Variants in PVT1 observed in about 807,000 individuals in gnomAD.
PVT1 encodes Pvt1 oncogene, also known as CXCR4/PVT1 fusion.
At chr8:127,805,449 A>G (rs1006725218) in intron 2 of PVT1, among the ~76,000 whole-genome samples, 3 of 152,020 alleles carry the variant, frequency 2.0e-5, no homozygotes, top group Non-Finnish European at 2.9e-5. Context: ...ATTGTGGTTC[A>G]TGAGATTTGC....
intron 3 of PVT1, among the ~76,000 whole-genome samples, chr8:127,917,331 C>T (rs1034294138): frequency 6.6e-6 from 1 of 152,132 alleles, no homozygotes; most frequent in African/African-American, 2.4e-5. Flanking sequence ...CATGAGGAGG[C>T]GATAGATACT....
intron 2 of PVT1, among the ~76,000 whole-genome samples, chr8:127,885,942 G>A (rs1395749777): frequency 6.6e-6 from 1 of 151,924 alleles, no homozygotes; most frequent in Non-Finnish European, 1.5e-5. Flanking sequence ...ATTTAAATGG[G>A]ACAAGAAGGC....
rs11361006 is a variant in PVT1, at chr8:127,861,560, GTT to G, written n.373-29019_373-29018del. Among the ~76,000 whole-genome samples the G allele has an allele frequency of 8.8e-4, 132 of 149,270 alleles. No individual in the cohort carries two copies. The East Asian group carries it at 9.4e-3, about 11-fold the overall frequency. On this transcript the variant is annotated intron_variant and non_coding_transcript_variant, in intron 2 of 10. Coordinates refer to ENST00000651587, the Ensembl canonical transcript of PVT1. ...TTTCAGATGGTTTTGTTTTTGACAT[GTT>G]TTTTTTTTTAACTTATATTATGACC... is the stretch of plus-strand genomic sequence containing the variant.
At chr8:128,018,946 G>A (rs1056604174) in intron 4 of PVT1, among the ~76,000 whole-genome samples, 3 of 152,238 alleles carry the variant, frequency 2.0e-5, no homozygotes, top group Non-Finnish European at 4.4e-5. Flanking sequence ...CGCGAGGTTT[G>A]TGGCTCAGTC....
chr8:127,871,151 C>T (rs1815347275), intron 2 of PVT1, among the ~76,000 whole-genome samples: 2 of 152,206 alleles, frequency 1.3e-5, no homozygotes, highest in African/African-American at 4.8e-5. Flanking sequence ...ACACGCAATG[C>T]AGAGGAATGG....
At chr8:127,895,796 G>C (rs1815667389) in intron 3 of PVT1, among the ~76,000 whole-genome samples, 1 of 152,178 alleles carries the variant, frequency 6.6e-6, no homozygotes, top group Non-Finnish European at 1.5e-5. Context: ...TTTATATCAA[G>C]GGTTAGGTGA....
chr8:127,885,357 A>G (rs1815511539), intron 2 of PVT1, among the ~76,000 whole-genome samples: 1 of 152,162 alleles, frequency 6.6e-6, no homozygotes, highest in South Asian at 2.1e-4. Flanking sequence ...GGCTGGTATA[A>G]CAAACCACCT....
chr8:127,922,287 C>G (rs79158894), intron 3 of PVT1, among the ~76,000 whole-genome samples: 7 of 76,844 alleles, frequency 9.1e-5, no homozygotes, highest in East Asian at 3.5e-4. Flanking sequence ...CCCCCCCCCC[C>G]ACCAAGGAGG....
chr8:127,962,854 C>T (rs1321374552), intron 3 of PVT1, among the ~76,000 whole-genome samples: 3 of 152,104 alleles, frequency 2.0e-5, no homozygotes, highest in African/African-American at 7.2e-5. Context: ...CCTCGGCCTC[C>T]CAAAGTGCTG....
intron 4 of PVT1, among the ~76,000 whole-genome samples, chr8:128,041,578 TTGTG>T (rs369638790): frequency 7.5e-5 from 11 of 146,544 alleles, no homozygotes; most frequent in East Asian, 4.1e-4. Context: ...GTGTGTGTGT[TTGTG>T]TGTGTTTGCG....
At chr8:127,998,060 G>A (rs187690161) in intron 4 of PVT1, 3 of 152,356 alleles carry the variant, frequency 2.0e-5, no homozygotes, top group African/African-American at 7.2e-5. Context: ...GAAATCAAGG[G>A]TAGGCACCAT....
chr8:127,944,704 C>G (rs983586023), intron 3 of PVT1, among the ~76,000 whole-genome samples: 4 of 152,156 alleles, frequency 2.6e-5, no homozygotes, highest in African/African-American at 9.7e-5. Flanking sequence ...TGGGAAGAAG[C>G]GTGGCCATAT....
At chr8:127,990,379 G>A (rs544007181) in intron 4 of PVT1, among the ~76,000 whole-genome samples, 1 of 152,292 alleles carries the variant, frequency 6.6e-6, no homozygotes, top group Non-Finnish European at 1.5e-5. Context: ...CTGACCGAGG[G>A]TGAAACAACA....
chr8:127,915,201 G>A (rs575436179), intron 3 of PVT1, among the ~76,000 whole-genome samples: 3 of 152,252 alleles, frequency 2.0e-5, no homozygotes, highest in East Asian at 3.9e-4. Context: ...ACCACATTGT[G>A]AATGTACTAG....
At chr8:127,818,855 A>G (rs888202810) in intron 2 of PVT1, among the ~76,000 whole-genome samples, 2 of 149,018 alleles carry the variant, frequency 1.3e-5, no homozygotes, top group Non-Finnish European at 3.0e-5. Flanking sequence ...TAGGTGCTCA[A>G]TAAACGCTGG....
intron 2 of PVT1, among the ~76,000 whole-genome samples, chr8:127,841,367 A>T (rs528089851): frequency 6.6e-6 from 1 of 151,982 alleles, no homozygotes; most frequent in African/African-American, 2.4e-5. Flanking sequence ...TTCACCTCCC[A>T]GGTTCAAGTG....
At chr8:128,005,528 G>A (rs1451807037) in intron 4 of PVT1, among the ~76,000 whole-genome samples, 1 of 152,162 alleles carries the variant, frequency 6.6e-6, no homozygotes, top group East Asian at 1.9e-4. Context: ...GCTATCTTTT[G>A]TACATGTACC....
At chr8:128,073,801 TC>T (rs962648778) in intron 5 of PVT1, among the ~76,000 whole-genome samples, 3 of 150,364 alleles carry the variant, frequency 2.0e-5, no homozygotes, top group African/African-American at 2.5e-5. Flanking sequence ...AATTTTTTTT[TC>T]TTTTTTTTTT....
At chr8:127,889,035 T>TCCTTC (rs1554594526) in intron 2 of PVT1, among the ~76,000 whole-genome samples, 2,706 of 100,244 alleles carry the variant, frequency 0.027, 97 homozygotes, top group East Asian at 0.072. Context: ...TTTCTCTCTT[T>TCCTTC]CTTTCTTCCT....
Sources: allele counts gnomAD v4.1 joint callset (sites outside exome capture counted in the v4.1 genomes callset), GRCh38; gene constraint gnomAD v4.1.1; transcripts MANE v1.5; gene names NCBI Gene and HGNC (gene_info 2026-07-23, HGNC 2026-07-21).